SMARCC1: variants seen among roughly 807,000 people sequenced by gnomAD.
The protein encoded by SMARCC1 is SWI/SNF related BAF chromatin remodeling complex subunit C1, also known as SWI/SNF complex subunit SMARCC1.
A neutral mutation model predicts 147.4 loss-of-function variants in SMARCC1; 43 were observed. That is an observed-to-expected ratio of 0.29 (90% confidence interval 0.23 to 0.38). The LOEUF is 0.38. Among genes scored for constraint, SMARCC1 ranks in the 10% least tolerant of loss-of-function variants. The probability of loss-of-function intolerance (pLI) is 1.00; values close to 1 mark genes in which losing one functional copy is unlikely to be tolerated. For synonymous variants in SMARCC1, 495 were observed against 484.4 expected, an observed-to-expected ratio of 1.02 and a Z score of -0.29; for missense variants, 1,119 against 1,381.1, an observed-to-expected ratio of 0.81 and a Z score of 3.01.
chr3:47,595,361 C>T (rs2032256832), intron 26 of SMARCC1, among the ~76,000 whole-genome samples: 1 of 152,032 alleles, frequency 6.6e-6, no homozygotes, highest in African/African-American at 2.4e-5. Flanking sequence ...CCCATCTCTA[C>T]TAAAAATACA....
At chr3:47,641,776 C>T (rs1251119775) in intron 21 of SMARCC1, among the ~76,000 whole-genome samples, 2 of 152,082 alleles carry the variant, frequency 1.3e-5, no homozygotes, top group Admixed American at 1.3e-4. Context: ...TTAAAAATTA[C>T]TTTTATGTAC....
chr3:47,663,984 G>C, intron 19 of SMARCC1: 2 of 1,074,146 alleles, frequency 1.9e-6, no homozygotes, highest in Non-Finnish European at 1.4e-6. Context: ...CAAAACCCAG[G>C]AGCAAGCACT....
chr3:47,770,745 T>C (rs1392547649), intron 2 of SMARCC1, among the ~76,000 whole-genome samples: 1 of 152,138 alleles, frequency 6.6e-6, no homozygotes, highest in Non-Finnish European at 1.5e-5. Context: ...TGAATTCCTT[T>C]ATAACCTAGG....
At chr3:47,742,011 C>T (rs938461319) in intron 3 of SMARCC1, among the ~76,000 whole-genome samples, 2 of 151,762 alleles carry the variant, frequency 1.3e-5, no homozygotes, top group Non-Finnish European at 2.9e-5. Flanking sequence ...TGTCACTTCC[C>T]CACAAAACTG....
intron 26 of SMARCC1, among the ~76,000 whole-genome samples, chr3:47,598,934 AAG>A: frequency 6.6e-6 from 1 of 151,994 alleles, no homozygotes; most frequent in South Asian, 2.1e-4. Flanking sequence ...AGATGGAGCA[AAG>A]AGAGACGTGG....
chr3:47,628,341 AC>A (rs1275693888), intron 24 of SMARCC1, among the ~76,000 whole-genome samples: 1 of 152,054 alleles, frequency 6.6e-6, no homozygotes, highest in Non-Finnish European at 1.5e-5. Flanking sequence ...TTTCTGTGTC[AC>A]CTCTACAAGT....
Position 47,714,047 on chromosome 3 carries a change from G to T in SMARCC1, c.792+368C>A, listed in dbSNP as rs556392736. The stretch of plus-strand genomic sequence containing the variant: ...AGAGAGACTGCTGTAGAAAACAGCT[G>T]AGAAGAGCTATTAGATTATTGTAAG... On this transcript the variant is annotated intron_variant, in intron 8 of 27. Coordinates refer to ENST00000254480, the MANE Select transcript of SMARCC1 (RefSeq NM_003074.4). 2.6e-5 allele frequency among the ~76,000 whole-genome samples: 4 copies of T among 152,330 alleles called. No homozygotes were observed. In the South Asian group the frequency reaches 6.2e-4, roughly 24 times the overall value.
chr3:47,697,231 A>G (rs923176510), intron 11 of SMARCC1, among the ~76,000 whole-genome samples: 1 of 151,954 alleles, frequency 6.6e-6, no homozygotes, highest in Non-Finnish European at 1.5e-5. Context: ...AGGTGGGAGT[A>G]TCACTTGAGT....
At chr3:47,679,040 A>G (rs1255003048) in intron 15 of SMARCC1, among the ~76,000 whole-genome samples, 1 of 152,170 alleles carries the variant, frequency 6.6e-6, no homozygotes, top group Non-Finnish European at 1.5e-5. Context: ...AGAAATTGAG[A>G]TTCTGTTACA....
At chr3:47,706,262 A>G (rs758722450) in intron 10 of SMARCC1, 147 bp downstream of exon 10, 1 of 607,796 alleles carries the variant, frequency 1.6e-6, no homozygotes, top group Non-Finnish European at 2.5e-6. Context: ...AGTAGAGACG[A>G]GGTTTCACCA....
intron 14 of SMARCC1, among the ~76,000 whole-genome samples, chr3:47,684,305 T>G (rs1237501938): frequency 6.6e-6 from 1 of 151,416 alleles, no homozygotes; most frequent in Non-Finnish European, 1.5e-5. Context: ...CATGCCACAG[T>G]GCTTGCTGTA....
chr3:47,770,101 G>A (rs1284384005), intron 2 of SMARCC1, among the ~76,000 whole-genome samples: 4 of 151,860 alleles, frequency 2.6e-5, no homozygotes, highest in African/African-American at 9.7e-5. Context: ...GGTGGTGGGC[G>A]CCTGTAGTCC....
At chr3:47,677,653 C>CT (rs774700579) in intron 16 of SMARCC1, among the ~76,000 whole-genome samples, 9 of 151,972 alleles carry the variant, frequency 5.9e-5, no homozygotes, top group Non-Finnish European at 1.0e-4. Flanking sequence ...CTGAGTTCTC[C>CT]TGCCTCAGCC....
At chr3:47,707,703 G>A (rs1371955802) in intron 9 of SMARCC1, among the ~76,000 whole-genome samples, 2 of 152,112 alleles carry the variant, frequency 1.3e-5, no homozygotes, top group African/African-American at 4.8e-5. Flanking sequence ...GTAAGACCTT[G>A]TCTCTACAAA....
At chr3:47,720,613 G>T in intron 7 of SMARCC1, 53 bp downstream of exon 7, 1 of 1,134,366 alleles carries the variant, frequency 8.8e-7, no homozygotes. Context: ...AAATAAATGT[G>T]CCTTCCTTTC....
At chr3:47,594,649 C>CAGCT (rs1298908240) in intron 26 of SMARCC1, among the ~76,000 whole-genome samples, 2 of 152,086 alleles carry the variant, frequency 1.3e-5, no homozygotes, top group Non-Finnish European at 2.9e-5. Context: ...GAAGACTTTC[C>CAGCT]AGCTGATCAA....
chr3:47,746,726 ATTT>A (rs35599897), intron 2 of SMARCC1, among the ~76,000 whole-genome samples: 53 of 121,996 alleles, frequency 4.3e-4, no homozygotes, highest in East Asian at 1.5e-3. Flanking sequence ...CACATCAGTA[ATTT>A]TTTTTTTTTT....
rs1289249691 is a variant in SMARCC1, at chr3:47,647,551, CA to C, written c.2321-8772del. On this transcript the variant is annotated intron_variant, in intron 21 of 27. Transcript: ENST00000254480. The stretch of plus-strand genomic sequence containing the variant: ...GAACCATCTGTATAGCAAACATCAA[CA>C]GACATAATCCACATAAACTAAAGCA... Among the ~76,000 whole-genome samples the C allele has an allele frequency of 5.9e-5, 9 of 152,268 alleles. No individual in the cohort carries two copies. The East Asian group carries it at 1.3e-3, about 23-fold the overall frequency.
intron 2 of SMARCC1, among the ~76,000 whole-genome samples, chr3:47,749,135 T>C (rs2034599153): frequency 1.3e-5 from 2 of 151,866 alleles, no homozygotes; most frequent in African/African-American, 4.8e-5. Context: ...AAATCCCATC[T>C]CTACCAAAAA....
Sources: gnomAD v4.1 joint callset for allele counts (sites outside exome capture counted in the v4.1 genomes callset) on GRCh38, gnomAD v4.1.1 for gene constraint, MANE v1.5 for transcripts, NCBI Gene and HGNC (gene_info 2026-07-23, HGNC 2026-07-21) for gene names.